The following SPMIP7 variants were observed in gnomAD, a reference collection of about 807,000 sequenced individuals.
SPMIP7 encodes the protein sperm microtubule inner protein 7, also known as protein SPMIP7.
chr7:50,102,349 A>G, the SPMIP7 span, among the ~76,000 whole-genome samples: 1 of 152,176 alleles, frequency 6.6e-6, no homozygotes, highest in Non-Finnish European at 1.5e-5. Flanking sequence ...GCCAAAATCA[A>G]GGTGTTATCT....
chr7:50,135,535 C>T, the SPMIP7 span, among the ~76,000 whole-genome samples: 9 of 151,984 alleles, frequency 5.9e-5, no homozygotes, highest in Admixed American at 5.9e-4. Context: ...AGATTTTTCA[C>T]ATAGAAAAAG....
the SPMIP7 span, among the ~76,000 whole-genome samples, chr7:50,119,645 A>G: frequency 6.6e-6 from 1 of 152,214 alleles, no homozygotes; most frequent in South Asian, 2.1e-4. Flanking sequence ...TATTCTAGAC[A>G]TGACTGCTAC....
At chr7:50,159,219 G>T in the SPMIP7 span, 4 of 1,536,690 alleles carry the variant, frequency 2.6e-6, no homozygotes, top group Non-Finnish European at 3.5e-6. Context: ...GGGAAGGCTT[G>T]TGCGGCGGTG....
chr7:50,098,901 A>T, the SPMIP7 span, among the ~76,000 whole-genome samples: 3 of 152,196 alleles, frequency 2.0e-5, no homozygotes, highest in Admixed American at 2.0e-4. Flanking sequence ...TAGTATATTC[A>T]TACTGTGCAA....
At chr7:50,114,641 T>C in the SPMIP7 span, among the ~76,000 whole-genome samples, 1 of 151,726 alleles carries the variant, frequency 6.6e-6, no homozygotes, top group Non-Finnish European at 1.5e-5. Flanking sequence ...ATAAAACAAA[T>C]AGAAAACAAA....
the SPMIP7 span, among the ~76,000 whole-genome samples, chr7:50,153,841 G>A: frequency 3.9e-5 from 6 of 152,238 alleles, 1 homozygote; most frequent in East Asian, 1.9e-4. Flanking sequence ...CTCAGGCCCC[G>A]ACTAGCCTGT....
chr7:50,095,997 T>C, the SPMIP7 span: 1 of 838,278 alleles, frequency 1.2e-6, no homozygotes. Flanking sequence ...CACAGATCTT[T>C]AGTTATTGGC....
At chr7:50,128,047 A>G in the SPMIP7 span, among the ~76,000 whole-genome samples, 1 of 152,064 alleles carries the variant, frequency 6.6e-6, no homozygotes, top group African/African-American at 2.4e-5. Flanking sequence ...GCATTAGGCA[A>G]AATGTGGAAT....
the SPMIP7 span, among the ~76,000 whole-genome samples, chr7:50,104,962 GTGT>G: frequency 6.6e-6 from 1 of 152,140 alleles, no homozygotes; most frequent in Admixed American, 6.6e-5. Flanking sequence ...TTAACAAGTA[GTGT>G]TGTTATTGTC....
the SPMIP7 span, chr7:50,096,570 A>T: frequency 1.9e-6 from 3 of 1,552,042 alleles, no homozygotes; most frequent in Non-Finnish European, 2.6e-6. Context: ...CTATCAGAAG[A>T]ACTGCAACAG....
chr7:50,141,251 A>T, the SPMIP7 span: 1 of 1,345,546 alleles, frequency 7.4e-7, no homozygotes, highest in Non-Finnish European at 1.0e-6. Flanking sequence ...ATACAGAAAT[A>T]TATGCCTTCT....
At chr7:50,134,023 T>C in the SPMIP7 span, 1 of 1,242,864 alleles carries the variant, frequency 8.0e-7, no homozygotes, top group African/African-American at 1.5e-5. Flanking sequence ...CATCTTCGGA[T>C]TCTCTTATCA....
At chr7:50,100,812 A>AAAAAAAATAAATAAAT in the SPMIP7 span, among the ~76,000 whole-genome samples, 3 of 139,278 alleles carry the variant, frequency 2.2e-5, no homozygotes, top group Non-Finnish European at 3.1e-5. Flanking sequence ...ATGCCGTCCA[A>AAAAAAAATAAATAAAT]AAATAAATAA....
At chr7:50,145,105 A>C in the SPMIP7 span, among the ~76,000 whole-genome samples, 16 of 151,760 alleles carry the variant, frequency 1.1e-4, no homozygotes, top group Non-Finnish European at 1.5e-4. Flanking sequence ...CTACTAAAAA[A>C]CACAAAAATT....
the SPMIP7 span, chr7:50,141,418 T>C: frequency 7.6e-7 from 1 of 1,307,746 alleles, no homozygotes; most frequent in Admixed American, 2.0e-5. Context: ...ATTTCACTTG[T>C]TTTATTACTA....
chr7:50,159,023 CT>C, the SPMIP7 span: 1 of 1,549,502 alleles, frequency 6.5e-7, no homozygotes. Context: ...CATTTTCCTC[CT>C]TTTTTTCCCA....
At chr7:50,114,437 C>T in the SPMIP7 span, among the ~76,000 whole-genome samples, 2 of 151,804 alleles carry the variant, frequency 1.3e-5, no homozygotes. Context: ...ATATTATTAT[C>T]CTGTAAACCC....
At chr7:50,140,013 C>T in the SPMIP7 span, 245,771 of 650,112 alleles carry the variant, frequency 0.38, 48,072 homozygotes, top group South Asian at 0.42. Flanking sequence ...AAATCACAAA[C>T]CTTTAAAGGA....
chr7:50,118,160 A>G, the SPMIP7 span, among the ~76,000 whole-genome samples: 11 of 152,178 alleles, frequency 7.2e-5, no homozygotes, highest in Admixed American at 7.2e-4. Context: ...TTGGAAAAAC[A>G]AAATTGGTAT....
Sources: gnomAD v4.1 joint callset for allele counts (sites outside exome capture counted in the v4.1 genomes callset) on GRCh38, gnomAD v4.1.1 for gene constraint, MANE v1.5 for transcripts, NCBI Gene and HGNC (gene_info 2026-07-23, HGNC 2026-07-21) for gene names.